GDPD4: variants seen among roughly 807,000 people sequenced by gnomAD.
The protein encoded by GDPD4 is glycerophosphodiester phosphodiesterase domain containing 4, also known as glycerophosphodiester phosphodiesterase 6.
Under a neutral mutation model 67.8 loss-of-function variants are expected in GDPD4, and 60 were observed. That is an observed-to-expected ratio of 0.88 (90% CI 0.72 to 1.10). GDPD4 has a LOEUF of 1.10. Ranked by LOEUF, GDPD4 falls within the 50% of genes least tolerant of loss-of-function variation. The pLI, the probability that GDPD4 is intolerant of heterozygous loss-of-function variation, is 0.00. For synonymous variants in GDPD4, 212 were observed against 210.9 expected (o/e 1.00, Z -0.04); for missense variants, 623 against 613.9 (o/e 1.01, Z -0.16).
chr11:77,225,905 C>G (rs1409937385), intron 16 of GDPD4, among the ~76,000 whole-genome samples: 1 of 152,152 alleles, frequency 6.6e-6, no homozygotes, highest in African/African-American at 2.4e-5. Context: ...CTTCCTTGTT[C>G]CTTCCCTGAT....
intron 16 of GDPD4, among the ~76,000 whole-genome samples, chr11:77,222,954 CTTCAT>C (rs1241567149): frequency 1.4e-4 from 21 of 152,218 alleles, no homozygotes; most frequent in Admixed American, 6.5e-4. Flanking sequence ...TCTCTTCTCA[CTTCAT>C]TTCATTAATT....
Position 77,217,233 on chromosome 11 carries a change from C to T in GDPD4, c.*44G>A, listed in dbSNP as rs1298837911. The T allele has an allele frequency of 2.0e-6, 3 of 1,481,634 alleles. No homozygotes were observed. Among genetic ancestry groups the T allele is most frequent in the South Asian group, 2.3e-5 (2 of 88,328 alleles). 91.8% of individuals were successfully genotyped at this position (1,481,634 alleles called of 1,614,324 possible). ...GCTGCTAGAGTCCAAGGACCTTCCA[C>T]AACTCGGACAGGAGGTTTCATGGCT... On this transcript the variant is annotated 3_prime_UTR_variant, in exon 17 of 17. Coordinates refer to ENST00000315938, the MANE Select transcript of GDPD4 (RefSeq NM_182833.3).
intron 3 of GDPD4, among the ~76,000 whole-genome samples, chr11:77,282,693 AAAC>A (rs1404907657): frequency 1.3e-5 from 2 of 151,630 alleles, no homozygotes; most frequent in Non-Finnish European, 2.9e-5. Flanking sequence ...CCTCAAAAAA[AAAC>A]AACAACAACA....
At position 77,245,288 on chromosome 11, in the gene GDPD4, T is replaced by C. The variant is rs1265670727; in HGVS notation, c.1079A>G (p.Gln360Arg). The C allele has an allele frequency of 6.2e-7, 1 of 1,613,574 alleles. No individual in the cohort carries two copies. The highest frequency in any genetic ancestry group is 1.7e-5 in the Admixed American group (1 of 60,018). ...ATACTGAGATAGACTTACCAGATGT[T>C]GCTCGATTTTAGAGGCAAGGATCAC... is the stretch of plus-strand genomic sequence containing the variant. ...VSVILASKIE[Q>R]HLIFWLPAHD... The change falls in exon 12 of 17, where the codon CAA (glutamine) becomes CGA (arginine). Residue 360 changes from glutamine to arginine, a missense_variant. Transcript: ENST00000315938.
At position 77,269,050 on chromosome 11, in the gene GDPD4, T is replaced by C; in HGVS notation, c.498A>G (p.Gly166=). The C allele has an allele frequency of 6.2e-7, 1 of 1,613,592 alleles. No homozygotes were observed. The highest frequency in any genetic ancestry group is 8.5e-7 in the Non-Finnish European group (1 of 1,179,798). Reference sequence around the variant, plus strand: ...CTAAAAGGATAAGAAGAAAGGGTAATCCAACAGGCACTTGTAGACCTGAAA... The same window carrying C: ...CTAAAAGGATAAGAAGAAAGGGTAACCCAACAGGCACTTGTAGACCTGAAA... ...TRLRGLQVPV[G]LPFLLILLGL... is the part of the protein sequence containing the mutation. The change falls in exon 9 of 17, where the codon GGA becomes GGG. Residue 166 remains glycine (G), a synonymous_variant. Transcript: ENST00000315938.
intron 1 of GDPD4, among the ~76,000 whole-genome samples, chr11:77,298,589 A>T (rs1176543302): frequency 6.6e-6 from 1 of 152,196 alleles, no homozygotes; most frequent in Non-Finnish European, 1.5e-5. Flanking sequence ...TCATGTTAAG[A>T]TAAAGATTAT....
At chr11:77,250,812 T>A (rs1399175158) in intron 11 of GDPD4, among the ~76,000 whole-genome samples, 1 of 152,198 alleles carries the variant, frequency 6.6e-6, no homozygotes, top group Admixed American at 6.5e-5. Flanking sequence ...TAATAATATT[T>A]GCTTTATATG....
intron 11 of GDPD4, among the ~76,000 whole-genome samples, chr11:77,251,264 G>A (rs998462617): frequency 1.3e-5 from 2 of 151,958 alleles, no homozygotes; most frequent in Non-Finnish European, 2.9e-5. Context: ...AGTATAAAAG[G>A]TTTGATTTTT....
intron 16 of GDPD4, among the ~76,000 whole-genome samples, chr11:77,224,021 G>C (rs770767150): frequency 1.3e-5 from 2 of 152,210 alleles, no homozygotes; most frequent in Non-Finnish European, 2.9e-5. Flanking sequence ...ATAATCTCCT[G>C]GCATGCTGTT....
At chr11:77,258,355 C>T in intron 11 of GDPD4, 31 bp downstream of exon 11, 2 of 1,607,288 alleles carry the variant, frequency 1.2e-6, no homozygotes, top group South Asian at 2.2e-5. Flanking sequence ...AAATTCAATG[C>T]AGGTTTGTGG....
At position 77,233,027 on chromosome 11, in the gene GDPD4, TGAA is replaced by T. The variant is rs761287017; in HGVS notation, c.1384_1386del (p.Phe462del). 2 of 1,613,822 alleles carry T rather than the reference TGAA, an allele frequency of 1.2e-6. No individual in the cohort carries two copies. The highest frequency in any genetic ancestry group is 1.7e-6 in the Non-Finnish European group (2 of 1,179,764). On this transcript the variant is annotated inframe_deletion, in exon 14 of 17. Transcript: ENST00000315938. ...AACAATCTGGACAACCAGCTCACCA[TGAA>T]GAAGTGAGGGTGATCAAGCTGACTC...
intron 9 of GDPD4, 87 bp from the exon 10 acceptor site, chr11:77,268,626 T>G: frequency 9.3e-7 from 1 of 1,077,616 alleles, no homozygotes; most frequent in Non-Finnish European, 1.4e-6. Context: ...CCCAGTAGGA[T>G]TTTGGGGAGC....
chr11:77,286,575 G>T (rs1960005193), intron 2 of GDPD4, among the ~76,000 whole-genome samples: 2 of 152,166 alleles, frequency 1.3e-5, no homozygotes. Flanking sequence ...TGGGACCCTA[G>T]TTGGACCATG....
chr11:77,224,886 G>A (rs1458817399), intron 16 of GDPD4, among the ~76,000 whole-genome samples: 1 of 151,680 alleles, frequency 6.6e-6, no homozygotes, highest in East Asian at 1.9e-4. Context: ...CCGACTGCTT[G>A]AGGTCAGGAG....
chr11:77,292,814 T>A (rs1038138659), intron 1 of GDPD4, among the ~76,000 whole-genome samples: 1 of 152,142 alleles, frequency 6.6e-6, no homozygotes. Flanking sequence ...AAGAATTTGG[T>A]ACAACTTCAT....
chr11:77,234,553 G>A (rs1200223464), intron 13 of GDPD4, among the ~76,000 whole-genome samples: 1 of 152,126 alleles, frequency 6.6e-6, no homozygotes, highest in African/African-American at 2.4e-5. Context: ...TTATGTCCAT[G>A]TGTACCCAAT....
At chr11:77,257,879 G>A (rs1190669263) in intron 11 of GDPD4, among the ~76,000 whole-genome samples, 1 of 152,136 alleles carries the variant, frequency 6.6e-6, no homozygotes, top group African/African-American at 2.4e-5. Flanking sequence ...GAAGCAACCT[G>A]AAATTAACTC....
At chr11:77,287,912 G>T (rs913211204) in intron 1 of GDPD4, among the ~76,000 whole-genome samples, 5 of 152,128 alleles carry the variant, frequency 3.3e-5, no homozygotes, top group African/African-American at 1.2e-4. Context: ...TATGAATGAT[G>T]GAATCTTCAA....
At chr11:77,251,408 C>G (rs11237152) in intron 11 of GDPD4, among the ~76,000 whole-genome samples, 1 of 152,042 alleles carries the variant, frequency 6.6e-6, no homozygotes, top group Non-Finnish European at 1.5e-5. Flanking sequence ...GCTAGTCTAG[C>G]GGTTTTGCAT....
Sources: gnomAD v4.1 joint callset for allele counts (sites outside exome capture counted in the v4.1 genomes callset) on GRCh38, gnomAD v4.1.1 for gene constraint, MANE v1.5 for transcripts, NCBI Gene and HGNC (gene_info 2026-07-23, HGNC 2026-07-21) for gene names.